Variants in TOM1 observed in about 807,000 individuals in gnomAD.
TOM1 encodes target of Myb protein 1.
In TOM1, 38 loss-of-function variants were observed where a neutral mutation model predicts 61.3. That is an observed-to-expected ratio of 0.62 (90% CI 0.48 to 0.81). TOM1 has a LOEUF of 0.81. Among genes scored for constraint, TOM1 ranks in the 40% least tolerant of loss-of-function variants. The probability of loss-of-function intolerance (pLI) is 0.00; values close to 1 mark genes in which losing one functional copy is unlikely to be tolerated. For missense variants in TOM1, 591 were observed against 659.6 expected, an observed-to-expected ratio of 0.90 and a Z score of 1.14; for synonymous variants, 270 against 268.8, an observed-to-expected ratio of 1.00 and a Z score of -0.04.
At chr22:35,312,009 C>G (rs914197861) in intron 1 of TOM1, among the ~76,000 whole-genome samples, 1 of 152,094 alleles carries the variant, frequency 6.6e-6, no homozygotes, top group Non-Finnish European at 1.5e-5. Context: ...AATCCCAGCA[C>G]TTTGGGAGGC....
chr22:35,306,222 A>G (rs751229262), intron 1 of TOM1, among the ~76,000 whole-genome samples: 2 of 152,178 alleles, frequency 1.3e-5, no homozygotes, highest in Non-Finnish European at 2.9e-5. Context: ...TGAATTTGGC[A>G]TATGGGTTCA....
At chr22:35,304,879 A>C (rs1926180816) in intron 1 of TOM1, among the ~76,000 whole-genome samples, 1 of 152,242 alleles carries the variant, frequency 6.6e-6, no homozygotes, top group South Asian at 2.1e-4. Flanking sequence ...GCTGATTGCC[A>C]ACAGTAAGTT....
chr22:35,317,800 C>A (rs1243452700), intron 1 of TOM1, 77 bp from the exon 2 acceptor site: 1 of 1,100,142 alleles, frequency 9.1e-7, no homozygotes, highest in Non-Finnish European at 1.4e-6. Flanking sequence ...CCTGCACCCC[C>A]CTCCTCTCCC....
Position 35,305,417 on chromosome 22 carries a change from G to A in TOM1, c.52+5437G>A, listed in dbSNP as rs569184710. Among the ~76,000 whole-genome samples the A allele has an allele frequency of 3.9e-4, 60 of 152,174 alleles. No homozygotes were observed. The Middle Eastern group carries it at 0.024, about 61-fold the overall frequency. ...TGGCTCACGCCTGTAATCCCAGCACGTTGGGAGGCCGAGGCGGGTGGATCA... is the reference window on the plus strand; with the variant it reads ...TGGCTCACGCCTGTAATCCCAGCACATTGGGAGGCCGAGGCGGGTGGATCA... On this transcript the variant is annotated intron_variant, in intron 1 of 14. Coordinates refer to ENST00000449058, the MANE Select transcript of TOM1 (RefSeq NM_005488.3).
At chr22:35,314,890 A>G (rs1312465071) in intron 1 of TOM1, among the ~76,000 whole-genome samples, 2 of 152,258 alleles carry the variant, frequency 1.3e-5, no homozygotes, top group African/African-American at 4.8e-5. Context: ...TCATGAGATG[A>G]GGGCAATAAT....
At chr22:35,346,467 C>G (rs1264965139) in intron 13 of TOM1, among the ~76,000 whole-genome samples, 2 of 152,228 alleles carry the variant, frequency 1.3e-5, no homozygotes, top group African/African-American at 2.4e-5. Flanking sequence ...AGAAGCCTCA[C>G]CCCCTCCCTA....
In TOM1 at chr22:35,316,387, C is replaced by A. The variant is rs1927279156; in HGVS notation, c.53-1490C>A. Among the ~76,000 whole-genome samples, 4 of 152,364 alleles carry A rather than the reference C, an allele frequency of 2.6e-5. No homozygotes were observed. The South Asian group carries it at 8.3e-4, about 32-fold the overall frequency. On this transcript the variant is annotated intron_variant, in intron 1 of 14. Transcript: ENST00000449058. Reference sequence around the variant, plus strand: ...GCACGTGGTTGACGCGTGAAGATAGCATCTAGGAAGGCGCAGAGAACAGAA... The same window carrying A: ...GCACGTGGTTGACGCGTGAAGATAGAATCTAGGAAGGCGCAGAGAACAGAA...
intron 12 of TOM1, among the ~76,000 whole-genome samples, chr22:35,343,507 ACT>A (rs1317584042): frequency 2.3e-5 from 3 of 128,644 alleles, no homozygotes; most frequent in East Asian, 2.5e-4. Context: ...ACACCTACAC[ACT>A]CATACACCTA....
chr22:35,325,869 A>C (rs931855722), intron 6 of TOM1, among the ~76,000 whole-genome samples: 1 of 152,174 alleles, frequency 6.6e-6, no homozygotes, highest in African/African-American at 2.4e-5. Flanking sequence ...GTGTGCAGTG[A>C]TGTTACTCCC....
chr22:35,325,640 CT>C (rs1426272493), intron 6 of TOM1, among the ~76,000 whole-genome samples: 1 of 151,658 alleles, frequency 6.6e-6, no homozygotes, highest in Non-Finnish European at 1.5e-5. Context: ...GCGAGCTGCA[CT>C]TTTTTTTTCT....
At chr22:35,336,553 G>A (rs1011916555) in intron 11 of TOM1, among the ~76,000 whole-genome samples, 20 of 152,230 alleles carry the variant, frequency 1.3e-4, no homozygotes, top group African/African-American at 4.8e-4. Context: ...GCTTCTGGGC[G>A]AGCCACAGCA....
chr22:35,333,697 C>CA (rs977912936), intron 10 of TOM1, among the ~76,000 whole-genome samples, 200 bp downstream of exon 10: 68 of 152,280 alleles, frequency 4.5e-4, no homozygotes, highest in African/African-American at 1.6e-3. Context: ...AGTCCTGAGC[C>CA]GCCTTGGATC....
chr22:35,314,000 T>G (rs1927067846), intron 1 of TOM1, among the ~76,000 whole-genome samples: 1 of 152,210 alleles, frequency 6.6e-6, no homozygotes, highest in Non-Finnish European at 1.5e-5. Context: ...TCCCCCTTCT[T>G]AAAATAGCAA....
intron 1 of TOM1, among the ~76,000 whole-genome samples, chr22:35,312,990 T>C (rs1926966069): frequency 6.6e-6 from 1 of 152,132 alleles, no homozygotes. Context: ...ACTGTTGGAA[T>C]GTGCAGGATG....
intron 1 of TOM1, among the ~76,000 whole-genome samples, chr22:35,307,280 C>T (rs1192734986): frequency 6.6e-6 from 1 of 152,174 alleles, no homozygotes; most frequent in Non-Finnish European, 1.5e-5. Context: ...AATTTGACCT[C>T]ATCCTATATA....
intron 12 of TOM1, among the ~76,000 whole-genome samples, chr22:35,343,691 A>C (rs1356633329): frequency 1.5e-5 from 2 of 137,084 alleles, no homozygotes; most frequent in Non-Finnish European, 3.1e-5. Context: ...CCACACCTAC[A>C]CACTCATACA....
rs369651820 is a variant in TOM1 at position 35,345,821 on chromosome 22, G to T, written c.1284+37G>T. The T allele has an allele frequency of 3.2e-5, 51 of 1,608,646 alleles. No homozygotes were observed. In the African/African-American group the frequency reaches 6.3e-4, roughly 20 times the overall value. ...CCCACTCCTCACCCACACAGCAGGA[G>T]GACCCGTTGTTCTCACCAAGAAATG... is the stretch of plus-strand genomic sequence containing the variant. On this transcript the variant is annotated intron_variant, in intron 13 of 14. Coordinates refer to ENST00000449058, the MANE Select transcript of TOM1 (RefSeq NM_005488.3).
At chr22:35,333,154 T>G in intron 9 of TOM1, 140 bp downstream of exon 9, 1 of 1,012,876 alleles carries the variant, frequency 9.9e-7, no homozygotes. Context: ...TTCTAACTTT[T>G]TATGTCCCTG....
At chr22:35,326,535 C>A (rs1258735828) in intron 6 of TOM1, among the ~76,000 whole-genome samples, 1 of 152,208 alleles carries the variant, frequency 6.6e-6, no homozygotes, top group East Asian at 1.9e-4. Context: ...AGGTGGGGTA[C>A]AGGGCAAGGA....
Sources: allele counts gnomAD v4.1 joint callset (sites outside exome capture counted in the v4.1 genomes callset), GRCh38; gene constraint gnomAD v4.1.1; transcripts MANE v1.5; gene names NCBI Gene and HGNC (gene_info 2026-07-23, HGNC 2026-07-21).